Variants in CCDC77 observed in about 807,000 individuals in gnomAD.
CCDC77 encodes the protein coiled-coil domain containing 77.
In CCDC77, 56 loss-of-function variants were observed where a neutral mutation model predicts 66.8. The observed-to-expected ratio is 0.84, with a 90% CI of 0.68 to 1.05. CCDC77 has a LOEUF of 1.05. CCDC77 is among the 50% of genes least tolerant of loss of function. CCDC77 has a pLI of 0.00. For synonymous variants in CCDC77, 196 were observed against 195.2 expected, an observed-to-expected ratio of 1.00 and a Z score of -0.03; for missense variants, 570 against 576.8, an observed-to-expected ratio of 0.99 and a Z score of 0.12.
intron 4 of CCDC77, among the ~76,000 whole-genome samples, chr12:416,957 TG>T (rs1277979054): frequency 6.6e-6 from 1 of 150,774 alleles, no homozygotes; most frequent in Non-Finnish European, 1.5e-5. Flanking sequence ...CTGACCAACA[TG>T]GCAAAACCTG....
chr12:441,005 T>C lies in CCDC77; in HGVS notation c.1320+9T>C. ...AGCAAATGTTGTATAAGGTAATTGC[T>C]GGTCCTGAATTGCCACGAGGGAGAG... On this transcript the variant is annotated intron_variant, in intron 12 of 12. Coordinates refer to ENST00000239830, the MANE Select transcript of CCDC77 (RefSeq NM_032358.4). 1 of 1,608,160 alleles carries C rather than the reference T, an allele frequency of 6.2e-7. No homozygotes were observed. Among genetic ancestry groups the C allele is most frequent in the Non-Finnish European group, 8.5e-7 (1 of 1,179,774 alleles).
chr12:404,494 T>C (rs1259600709), intron 1 of CCDC77, among the ~76,000 whole-genome samples: 2 of 152,004 alleles, frequency 1.3e-5, no homozygotes, highest in Non-Finnish European at 2.9e-5. Flanking sequence ...GAGGCCTGGC[T>C]CAGTGGCTCA....
At chr12:431,395 T>G (rs1042560663) in intron 7 of CCDC77, among the ~76,000 whole-genome samples, 4 of 152,042 alleles carry the variant, frequency 2.6e-5, no homozygotes, top group Non-Finnish European at 5.9e-5. Flanking sequence ...ATTTATTGTA[T>G]TGTATTTTAC....
intron 3 of CCDC77, among the ~76,000 whole-genome samples, chr12:411,035 C>T (rs1945098401): frequency 6.6e-6 from 1 of 152,104 alleles, no homozygotes; most frequent in Non-Finnish European, 1.5e-5. Context: ...ACCTCAGCCC[C>T]CTGAGTAGCT....
intron 5 of CCDC77, among the ~76,000 whole-genome samples, 183 bp from the exon 6 acceptor site, chr12:428,586 G>A (rs1427351961): frequency 6.7e-6 from 1 of 148,178 alleles, no homozygotes; most frequent in African/African-American, 2.5e-5. Context: ...GGAAATACCT[G>A]ATGTTTTACG....
intron 5 of CCDC77, among the ~76,000 whole-genome samples, chr12:424,962 C>T (rs1429758279): frequency 2.7e-5 from 4 of 149,792 alleles, no homozygotes; most frequent in African/African-American, 9.9e-5. Context: ...ACAGGGTCTC[C>T]CTCTGTCACC....
chr12:394,569 T>C (rs567782151), intron 1 of CCDC77, among the ~76,000 whole-genome samples: 150 of 152,362 alleles, frequency 9.8e-4, no homozygotes, highest in Admixed American at 3.7e-3. Context: ...ATGCTGCTCT[T>C]GTTTAGGCCC....
intron 9 of CCDC77, among the ~76,000 whole-genome samples, chr12:436,514 G>A (rs998261941): frequency 2.6e-5 from 4 of 152,032 alleles, no homozygotes; most frequent in Non-Finnish European, 4.4e-5. Context: ...GGGAGCCATC[G>A]CGCCCGGTCT....
intron 1 of CCDC77, among the ~76,000 whole-genome samples, chr12:403,823 C>T (rs552792624): frequency 3.3e-5 from 5 of 152,286 alleles, no homozygotes; most frequent in East Asian, 1.9e-4. Context: ...CAGGGTCTTG[C>T]GCTGTTGTCC....
At chr12:394,919 C>T (rs1944806555) in intron 1 of CCDC77, among the ~76,000 whole-genome samples, 2 of 152,072 alleles carry the variant, frequency 1.3e-5, no homozygotes, top group South Asian at 2.1e-4. Flanking sequence ...GACAAAGTAT[C>T]GGCTCTCATA....
intron 1 of CCDC77, among the ~76,000 whole-genome samples, chr12:396,014 G>C (rs1944824380): frequency 1.3e-5 from 2 of 152,170 alleles, no homozygotes; most frequent in African/African-American, 4.8e-5. Flanking sequence ...CCAGGGGTTT[G>C]AGTCCAGTCT....
At chr12:404,801 C>T (rs561514495) in intron 1 of CCDC77, among the ~76,000 whole-genome samples, 7 of 151,160 alleles carry the variant, frequency 4.6e-5, no homozygotes, top group Non-Finnish European at 1.0e-4. Context: ...TGGCTCACCA[C>T]AACCTCCGCC....
intron 9 of CCDC77, among the ~76,000 whole-genome samples, chr12:434,219 C>G (rs1218129214): frequency 2.6e-5 from 4 of 152,146 alleles, no homozygotes; most frequent in Non-Finnish European, 5.9e-5. Flanking sequence ...ATGGCAAACT[C>G]TGTCCTCATT....
rs769902236 is a variant in CCDC77, at chr12:433,217, C to T, written c.716C>T (p.Ser239Phe). Residue 239 changes from serine (S) to phenylalanine (F), a missense_variant, in exon 9 of 13, where the codon TCT (serine) becomes TTT (phenylalanine). By Grantham distance (155) the Ser-to-Phe change is radical (BLOSUM62 -2). Coordinates refer to ENST00000239830, the MANE Select transcript of CCDC77 (RefSeq NM_032358.4). ...QAQLGEQTKL[S>F]REQIEGLIED... Reference sequence around the variant, plus strand: ...CAGCTGGGAGAGCAGACCAAACTTTCTCGAGAACAAATTGAAGGGCTCATC... The same window carrying T: ...CAGCTGGGAGAGCAGACCAAACTTTTTCGAGAACAAATTGAAGGGCTCATC... 21 of 1,613,778 alleles carry T rather than the reference C, an allele frequency of 1.3e-5. No homozygotes were observed. Among genetic ancestry groups the T allele is most frequent in the Middle Eastern group, 1.6e-4 (1 of 6,084 alleles).
chr12:428,910 C>A lies in CCDC77; in HGVS notation c.510+45C>A. ...GCATGGTGAGTGTGGCTTTACAAGTCACAGGCTAAGGCCCATCATCAGAAG... is the reference window on the plus strand; with the variant it reads ...GCATGGTGAGTGTGGCTTTACAAGTAACAGGCTAAGGCCCATCATCAGAAG... On this transcript the variant is annotated intron_variant, in intron 6 of 12. Transcript: ENST00000239830. The A allele has an allele frequency of 2.3e-6, 3 of 1,290,596 alleles. No individual in the cohort carries two copies. In the South Asian group the frequency reaches 3.7e-5, roughly 16 times the overall value. The allele number at this position is 1,290,596 out of a possible 1,614,324, so 79.9% of individuals were successfully genotyped here.
At chr12:391,699 A>G (rs933582117) in intron 1 of CCDC77, among the ~76,000 whole-genome samples, 3 of 152,162 alleles carry the variant, frequency 2.0e-5, no homozygotes, top group Non-Finnish European at 4.4e-5. Flanking sequence ...ATTTCCTGTT[A>G]TTTTCTTCAG....
intron 5 of CCDC77, among the ~76,000 whole-genome samples, chr12:428,319 T>C (rs1945573114): frequency 6.6e-6 from 1 of 151,984 alleles, no homozygotes; most frequent in Non-Finnish European, 1.5e-5. Flanking sequence ...AGGACCTTCC[T>C]GGCTAACACA....
chr12:441,733 CCAT>C (rs1945860517), intron 12 of CCDC77, 38 bp from the exon 13 acceptor site: 1 of 1,580,206 alleles, frequency 6.3e-7, no homozygotes, highest in Non-Finnish European at 8.6e-7. Flanking sequence ...CTGGCATATG[CCAT>C]CATCATTTCT....
intron 1 of CCDC77, among the ~76,000 whole-genome samples, chr12:392,676 C>A (rs996088617): frequency 4.6e-5 from 7 of 151,626 alleles, no homozygotes; most frequent in African/African-American, 1.5e-4. Context: ...ACCTGGGTGG[C>A]GGAGGTTGCA....
Sources: gnomAD v4.1 joint callset for allele counts (sites outside exome capture counted in the v4.1 genomes callset) on GRCh38, gnomAD v4.1.1 for gene constraint, MANE v1.5 for transcripts, NCBI Gene and HGNC (gene_info 2026-07-23, HGNC 2026-07-21) for gene names.